The following ARHGAP24 variants were observed in gnomAD, a reference collection of about 807,000 sequenced individuals.
ARHGAP24 encodes Rho GTPase activating protein 24, also known as rho GTPase-activating protein 24.
Under a neutral mutation model 76.4 loss-of-function variants are expected in ARHGAP24, and 50 were observed. The observed-to-expected ratio is 0.65, with a 90% CI of 0.52 to 0.83. The LOEUF is 0.83. ARHGAP24 is among the 40% of genes least tolerant of loss of function. ARHGAP24 has a pLI of 0.00. For missense variants in ARHGAP24, 930 were observed against 914.2 expected, an observed-to-expected ratio of 1.02 and a Z score of -0.22; for synonymous variants, 345 against 323.3, an observed-to-expected ratio of 1.07 and a Z score of -0.72.
Position 85,641,829 on chromosome 4 carries a change from C to T in ARHGAP24, c.180+71108C>T, listed in dbSNP as rs116715964. On this transcript the variant is annotated intron_variant, in intron 2 of 9. Transcript: ENST00000395184. ...CACCCTTCCTGGCACACTCCACCCTCCAGGAGCCTCCATGTGTTCAGCTAT... is the reference window on the plus strand; with the variant it reads ...CACCCTTCCTGGCACACTCCACCCTTCAGGAGCCTCCATGTGTTCAGCTAT... Among the ~76,000 whole-genome samples, 532 of 152,288 alleles carry T rather than the reference C, an allele frequency of 3.5e-3. 4 individuals are homozygous for T. Among genetic ancestry groups the T allele is most frequent in the African/African-American group, 0.012 (497 of 41,564 alleles).
At chr4:85,705,295 C>G (rs1230533337) in intron 2 of ARHGAP24, among the ~76,000 whole-genome samples, 1 of 151,966 alleles carries the variant, frequency 6.6e-6, no homozygotes, top group Non-Finnish European at 1.5e-5. Context: ...ATGACAGATA[C>G]TATATTTTAA....
At chr4:85,588,136 C>T (rs1727934368) in intron 2 of ARHGAP24, among the ~76,000 whole-genome samples, 1 of 152,194 alleles carries the variant, frequency 6.6e-6, no homozygotes, top group African/African-American at 2.4e-5. Flanking sequence ...TCTCAGTCAT[C>T]CCTGCCTTTA....
At position 85,877,436 on chromosome 4, in the gene ARHGAP24, G is replaced by T. The variant is rs999495840; in HGVS notation, c.269-46212G>T. Among the ~76,000 whole-genome samples, 10 of 152,090 alleles carry T rather than the reference G, an allele frequency of 6.6e-5. No individual in the cohort carries two copies. In the East Asian group the frequency reaches 9.6e-4, roughly 15 times the overall value. ...GCCCAGGAATTTGAGACCAGCCTGG[G>T]CAACATTGCAAAATCCCATCTCTAC... On this transcript the variant is annotated intron_variant, in intron 3 of 9. Coordinates refer to ENST00000395184, the MANE Select transcript of ARHGAP24 (RefSeq NM_001025616.3).
intron 1 of ARHGAP24, among the ~76,000 whole-genome samples, chr4:85,550,454 A>T (rs1726087473): frequency 6.6e-6 from 1 of 152,162 alleles, no homozygotes; most frequent in African/African-American, 2.4e-5. Flanking sequence ...GTAGGCTTGT[A>T]GTATAATGTA....
intron 4 of ARHGAP24, among the ~76,000 whole-genome samples, chr4:85,933,397 T>C (rs1324319299): frequency 6.6e-6 from 1 of 152,190 alleles, no homozygotes; most frequent in Admixed American, 6.5e-5. Context: ...TCCAGAGGCC[T>C]GGTTACATTA....
intron 2 of ARHGAP24, among the ~76,000 whole-genome samples, chr4:85,685,118 C>CT (rs1461696607): frequency 1.3e-5 from 2 of 152,108 alleles, no homozygotes; most frequent in East Asian, 1.9e-4. Context: ...TTAAGCTTAT[C>CT]TTTTTCTATC....
At chr4:85,990,673 G>A (rs1340619833) in intron 8 of ARHGAP24, 4 of 151,702 alleles carry the variant, frequency 2.6e-5, no homozygotes, top group Admixed American at 2.6e-4. Flanking sequence ...AATGGAAAGG[G>A]GAAGGTCATT....
intron 3 of ARHGAP24, among the ~76,000 whole-genome samples, chr4:85,829,679 A>G (rs1424234271): frequency 6.6e-6 from 1 of 152,258 alleles, no homozygotes; most frequent in Non-Finnish European, 1.5e-5. Flanking sequence ...TCTTGAAAAG[A>G]GTTTAACATG....
In ARHGAP24 at chr4:85,977,677, T is replaced by G. The variant is rs1017296795; in HGVS notation, c.914T>G (p.Leu305Trp). ...NILRPKVEDP[L>W]TIMEGTVVVQ... ...CTGCGCCCCAAAGTGGAAGATCCTT[T>G]GACTATCATGGAGGGTAAGTAAATG... The change falls in exon 8 of 10, where the codon TTG (leucine) becomes TGG (tryptophan). Residue 305 changes from leucine (L) to tryptophan (W), a missense_variant. Transcript: ENST00000395184. 1.2e-6 allele frequency: 2 copies of G among 1,613,848 alleles called. No individual in the cohort carries two copies. The highest frequency in any genetic ancestry group is 8.5e-7 in the Non-Finnish European group (1 of 1,179,786).
chr4:85,841,905 AC>A (rs1389256876), intron 3 of ARHGAP24, among the ~76,000 whole-genome samples: 2 of 152,178 alleles, frequency 1.3e-5, no homozygotes, highest in Non-Finnish European at 1.5e-5. Flanking sequence ...TGTACCAGCC[AC>A]TGGTTGTACC....
intron 1 of ARHGAP24, among the ~76,000 whole-genome samples, chr4:85,541,010 ACTGTAGGTTT>A (rs955021403): frequency 1.3e-5 from 2 of 152,022 alleles, no homozygotes; most frequent in Non-Finnish European, 2.9e-5. Flanking sequence ...GGTTCCCAAA[ACTGTAGGTTT>A]CTTGCCTGTA....
intron 2 of ARHGAP24, among the ~76,000 whole-genome samples, chr4:85,599,944 A>G (rs904015575): frequency 6.6e-6 from 1 of 152,188 alleles, no homozygotes; most frequent in African/African-American, 2.4e-5. Context: ...AAATTAGGAT[A>G]AGGTATCATG....
At chr4:85,976,781 T>C (rs1404870363) in intron 7 of ARHGAP24, among the ~76,000 whole-genome samples, 10 of 19,932 alleles carry the variant, frequency 5.0e-4, no homozygotes, top group African/African-American at 3.9e-3. Context: ...TTATTTCTCT[T>C]TTTTTTTTTT....
At chr4:85,694,242 C>T (rs1246801369) in intron 2 of ARHGAP24, among the ~76,000 whole-genome samples, 3 of 152,030 alleles carry the variant, frequency 2.0e-5, no homozygotes, top group Non-Finnish European at 2.9e-5. Context: ...CTCTTCAGCT[C>T]TTCTTTAATT....
intron 1 of ARHGAP24, among the ~76,000 whole-genome samples, chr4:85,565,419 A>G (rs181033973): frequency 1.3e-5 from 2 of 152,248 alleles, no homozygotes; most frequent in Admixed American, 1.3e-4. Flanking sequence ...TTCCCCAGCA[A>G]TAGGACAGAT....
intron 2 of ARHGAP24, among the ~76,000 whole-genome samples, chr4:85,659,015 GC>G (rs892067336): frequency 1.3e-5 from 2 of 152,186 alleles, no homozygotes; most frequent in African/African-American, 4.8e-5. Context: ...CTGAGACAGT[GC>G]CTCTTAACTG....
chr4:85,790,944 T>C (rs1490615309), intron 3 of ARHGAP24, among the ~76,000 whole-genome samples: 3 of 152,184 alleles, frequency 2.0e-5, no homozygotes, highest in Non-Finnish European at 2.9e-5. Flanking sequence ...ATGAACTACA[T>C]TGGAAAAAAT....
At chr4:85,601,517 C>T (rs1404165225) in intron 2 of ARHGAP24, among the ~76,000 whole-genome samples, 1 of 152,122 alleles carries the variant, frequency 6.6e-6, no homozygotes, top group Admixed American at 6.6e-5. Flanking sequence ...TGTCTGGCAG[C>T]ATCCCTGGCT....
intron 3 of ARHGAP24, among the ~76,000 whole-genome samples, chr4:85,826,474 GCC>G (rs1252099031): frequency 1.3e-5 from 2 of 152,064 alleles, no homozygotes; most frequent in African/African-American, 4.8e-5. Context: ...CTCAAGATCT[GCC>G]ACAAAGAGAA....
Sources: allele counts gnomAD v4.1 joint callset (sites outside exome capture counted in the v4.1 genomes callset), GRCh38; gene constraint gnomAD v4.1.1; transcripts MANE v1.5; gene names NCBI Gene and HGNC (gene_info 2026-07-23, HGNC 2026-07-21).